Variants in JAM2 observed in about 807,000 individuals in gnomAD.
JAM2 encodes junctional adhesion molecule 2.
In JAM2, 17 loss-of-function variants were observed where a neutral mutation model predicts 42.0. That is an observed-to-expected ratio of 0.40 (90% CI 0.28 to 0.61). JAM2 has a LOEUF of 0.61. Ranked by LOEUF, JAM2 falls within the 20% of genes least tolerant of loss-of-function variation. JAM2 has a pLI of 0.37. For synonymous variants in JAM2, 118 were observed against 128.6 expected (o/e 0.92, Z 0.56); for missense variants, 319 against 358.3 (o/e 0.89, Z 0.89).
chr21:25,713,441 G>T (rs1235626170), intron 9 of JAM2, among the ~76,000 whole-genome samples: 2 of 151,932 alleles, frequency 1.3e-5, no homozygotes, highest in Non-Finnish European at 2.9e-5. Context: ...TGGGGCAGGG[G>T]GAGTTCCTAT....
At chr21:25,700,447 G>A (rs1338507325) in intron 5 of JAM2, among the ~76,000 whole-genome samples, 1 of 152,136 alleles carries the variant, frequency 6.6e-6, no homozygotes, top group Non-Finnish European at 1.5e-5. Context: ...TGCAACCTCT[G>A]CCTCCTAGGT....
At chr21:25,690,556 C>A (rs1189662458) in intron 3 of JAM2, among the ~76,000 whole-genome samples, 1 of 151,326 alleles carries the variant, frequency 6.6e-6, no homozygotes, top group Admixed American at 6.6e-5. Context: ...CTATGTTGCC[C>A]AGGCTGGTCT....
chr21:25,669,038 C>A (rs1312807133), intron 1 of JAM2, among the ~76,000 whole-genome samples: 1 of 151,842 alleles, frequency 6.6e-6, no homozygotes, highest in Non-Finnish European at 1.5e-5. Context: ...GAATTTAAAC[C>A]CAGGGCTTTT....
intron 8 of JAM2, chr21:25,712,105 A>G: frequency 2.0e-6 from 1 of 497,246 alleles, no homozygotes; most frequent in Non-Finnish European, 3.6e-6. Context: ...TACTAGCCAC[A>G]AGCTACATTT....
chr21:25,644,403 A>T (rs1229932777), intron 1 of JAM2, among the ~76,000 whole-genome samples: 1 of 152,192 alleles, frequency 6.6e-6, no homozygotes, highest in East Asian at 1.9e-4. Context: ...ATCTGTTTCC[A>T]TGGCTTTTCC....
intron 1 of JAM2, among the ~76,000 whole-genome samples, chr21:25,676,931 T>A (rs2033511338): frequency 6.6e-6 from 1 of 152,208 alleles, no homozygotes; most frequent in Admixed American, 6.5e-5. Flanking sequence ...TAAATTTTTT[T>A]AATTTAAAGA....
chr21:25,660,164 G>A (rs539569155), intron 1 of JAM2, among the ~76,000 whole-genome samples: 8 of 152,028 alleles, frequency 5.3e-5, no homozygotes, highest in South Asian at 2.1e-4. Flanking sequence ...CAAGTGATCC[G>A]CCCACCTCAG....
chr21:25,639,960 C>G, intron 1 of JAM2, 72 bp downstream of exon 1: 1 of 1,112,268 alleles, frequency 9.0e-7, no homozygotes, highest in Non-Finnish European at 1.3e-6. Context: ...CCCCACGGGG[C>G]GCTGGCTGAC....
At position 25,666,314 on chromosome 21, in the gene JAM2, T is replaced by TA. The variant is rs1399789978; in HGVS notation, c.68-17569_68-17568insA. On this transcript the variant is annotated intron_variant, in intron 1 of 9. Transcript: ENST00000480456. Reference sequence around the variant, plus strand: ...TTTTTAAAAATTACATTGTTACGGCTTTTATTATTATTATTATTATTATTA... The same window carrying TA: ...TTTTTAAAAATTACATTGTTACGGCTATTTATTATTATTATTATTATTATTA... 4.4e-3 allele frequency among the ~76,000 whole-genome samples: 639 copies of TA among 145,588 alleles called. 3 individuals are homozygous for TA. Among genetic ancestry groups the TA allele is most frequent in the African/African-American group, 0.015 (570 of 37,518 alleles).
At chr21:25,696,017 T>C (rs1323194434) in intron 4 of JAM2, among the ~76,000 whole-genome samples, 1 of 152,186 alleles carries the variant, frequency 6.6e-6, no homozygotes, top group Non-Finnish European at 1.5e-5. Flanking sequence ...ATCTCGGCAC[T>C]TTGGGAGGCC....
intron 1 of JAM2, among the ~76,000 whole-genome samples, chr21:25,651,312 A>G (rs1487863459): frequency 6.6e-6 from 1 of 152,244 alleles, no homozygotes; most frequent in Non-Finnish European, 1.5e-5. Flanking sequence ...CAGAGTTCCC[A>G]GAAGAAAAAT....
At chr21:25,678,209 G>C (rs1409041758) in intron 1 of JAM2, among the ~76,000 whole-genome samples, 1 of 152,150 alleles carries the variant, frequency 6.6e-6, no homozygotes, top group Non-Finnish European at 1.5e-5. Context: ...CTGGGCAATA[G>C]AGCGAGACTC....
At chr21:25,690,379 A>G (rs1168774189) in intron 3 of JAM2, among the ~76,000 whole-genome samples, 1 of 149,408 alleles carries the variant, frequency 6.7e-6, no homozygotes, top group Non-Finnish European at 1.5e-5. Flanking sequence ...CCCAGTCTGG[A>G]GCACAGTGGT....
intron 2 of JAM2, among the ~76,000 whole-genome samples, chr21:25,687,785 C>A (rs961646484): frequency 6.6e-6 from 1 of 152,194 alleles, no homozygotes; most frequent in African/African-American, 2.4e-5. Context: ...CTCTTTTAAA[C>A]CTTTGGTCAA....
chr21:25,664,693 T>A (rs1308747168), intron 1 of JAM2, among the ~76,000 whole-genome samples: 1 of 152,254 alleles, frequency 6.6e-6, no homozygotes, highest in South Asian at 2.1e-4. Context: ...ATCTCTTACA[T>A]GGTTTCCTCT....
chr21:25,676,371 A>C (rs2033497357), intron 1 of JAM2, among the ~76,000 whole-genome samples: 1 of 152,030 alleles, frequency 6.6e-6, no homozygotes, highest in African/African-American at 2.4e-5. Flanking sequence ...TTTTCAATTA[A>C]AAGTGTTAAT....
intron 1 of JAM2, 37 bp from the exon 2 acceptor site, chr21:25,683,846 T>G (rs2033690983): frequency 6.9e-7 from 1 of 1,457,014 alleles, no homozygotes; most frequent in Admixed American, 1.8e-5. Flanking sequence ...TGAACTTTTG[T>G]ATAATTTTAA....
At chr21:25,658,567 A>G (rs2032999580) in intron 1 of JAM2, among the ~76,000 whole-genome samples, 1 of 152,204 alleles carries the variant, frequency 6.6e-6, no homozygotes, top group African/African-American at 2.4e-5. Context: ...AAGTGCCCAG[A>G]GTAATAATGG....
chr21:25,649,184 T>C (rs1006529604), intron 1 of JAM2, among the ~76,000 whole-genome samples: 3 of 152,192 alleles, frequency 2.0e-5, no homozygotes, highest in Non-Finnish European at 4.4e-5. Flanking sequence ...CCCTCAAAAG[T>C]TGCTTAATCT....
Sources: gnomAD v4.1 joint callset for allele counts (sites outside exome capture counted in the v4.1 genomes callset) on GRCh38, gnomAD v4.1.1 for gene constraint, MANE v1.5 for transcripts, NCBI Gene and HGNC (gene_info 2026-07-23, HGNC 2026-07-21) for gene names.